The following SCN2A variants were observed in gnomAD, a reference collection of about 807,000 sequenced individuals.
SCN2A encodes the protein sodium voltage-gated channel alpha subunit 2.
A neutral mutation model predicts 188.7 loss-of-function variants in SCN2A; 20 were observed. That is an observed-to-expected ratio of 0.11 (90% CI 0.07 to 0.15). SCN2A has a LOEUF of 0.15. SCN2A is among the 10% of genes least tolerant of loss of function. The pLI, the probability that SCN2A is intolerant of heterozygous loss-of-function variation, is 1.00. For missense variants in SCN2A, 1,278 were observed against 2,445.0 expected (o/e 0.52, Z 10.07); for synonymous variants, 804 against 833.1 (o/e 0.97, Z 0.60).
intron 16 of SCN2A, among the ~76,000 whole-genome samples, chr2:165,348,760 T>A (rs1699737415): frequency 1.3e-5 from 2 of 152,170 alleles, no homozygotes; most frequent in Non-Finnish European, 2.9e-5. Context: ...GAAGGCTCAA[T>A]CTCATGATTA....
chr2:165,299,391 A>C (rs1418804169), intron 3 of SCN2A, among the ~76,000 whole-genome samples: 1 of 152,232 alleles, frequency 6.6e-6, no homozygotes, highest in Non-Finnish European at 1.5e-5. Context: ...AAATCTATTA[A>C]GGTATGCCAA....
intron 1 of SCN2A, among the ~76,000 whole-genome samples, chr2:165,278,446 T>A (rs1450698291): frequency 6.6e-6 from 1 of 152,158 alleles, no homozygotes; most frequent in African/African-American, 2.4e-5. Context: ...GAGAGCCCCT[T>A]ATAAAATCAT....
intron 1 of SCN2A, among the ~76,000 whole-genome samples, chr2:165,276,198 A>G (rs766417837): frequency 6.6e-6 from 1 of 152,134 alleles, no homozygotes; most frequent in Non-Finnish European, 1.5e-5. Flanking sequence ...AAATAGTAAT[A>G]AGAGTTCTTC....
chr2:165,348,987 A>C (rs1399160911), intron 16 of SCN2A, among the ~76,000 whole-genome samples: 2 of 152,246 alleles, frequency 1.3e-5, no homozygotes, highest in Non-Finnish European at 2.9e-5. Context: ...ATTCATTAGA[A>C]GCTAGTCACT....
intron 7 of SCN2A, 75 bp downstream of exon 7, chr2:165,310,670 T>G: frequency 9.3e-7 from 1 of 1,071,962 alleles, no homozygotes; most frequent in East Asian, 2.7e-5. Flanking sequence ...GGAAATTATC[T>G]CAATTTAGAT....
chr2:165,290,960 C>G (rs1402682095), intron 1 of SCN2A, among the ~76,000 whole-genome samples: 1 of 151,900 alleles, frequency 6.6e-6, no homozygotes, highest in African/African-American at 2.4e-5. Context: ...ATTAATTTCC[C>G]CCTTATTCCA....
In SCN2A at chr2:165,390,120, G is replaced by A. The variant is rs1248953639; in HGVS notation, c.*296G>A. 1 of 318,444 alleles carries A rather than the reference G, an allele frequency of 3.1e-6. No homozygotes were observed. The highest frequency in any genetic ancestry group is 5.8e-6 in the Non-Finnish European group (1 of 172,502). 19.7% of individuals were successfully genotyped at this position (318,444 alleles called of 1,614,324 possible). On this transcript the variant is annotated 3_prime_UTR_variant, in exon 27 of 27. Coordinates refer to ENST00000375437, the MANE Select transcript of SCN2A (RefSeq NM_001040142.2). ...TAGGAACCAATTTAAAGGGGGGAGG[G>A]AAGTTAAATTTTTATGTAAATTCAA...
At chr2:165,385,159 C>G (rs1701803730) in intron 25 of SCN2A, among the ~76,000 whole-genome samples, 1 of 152,022 alleles carries the variant, frequency 6.6e-6, no homozygotes, top group South Asian at 2.1e-4. Context: ...GTAATAGAAG[C>G]CTCCCAATAG....
intron 5 of SCN2A, chr2:165,309,079 C>A: frequency 7.1e-7 from 1 of 1,408,554 alleles, no homozygotes; most frequent in African/African-American, 1.4e-5. Flanking sequence ...GATGGCGACA[C>A]TCATGAAATT....
intron 16 of SCN2A, among the ~76,000 whole-genome samples, chr2:165,352,602 A>T (rs1290427311): frequency 6.6e-6 from 1 of 152,202 alleles, no homozygotes; most frequent in East Asian, 1.9e-4. Context: ...AAAGCTTTTG[A>T]GCACCAACCT....
At chr2:165,300,563 G>A (rs1481733248) in intron 3 of SCN2A, among the ~76,000 whole-genome samples, 1 of 152,186 alleles carries the variant, frequency 6.6e-6, no homozygotes, top group Non-Finnish European at 1.5e-5. Context: ...GCAAAAGAGT[G>A]AGATATGGGA....
chr2:165,245,574 G>A (rs555234916), intron 1 of SCN2A: 1 of 152,330 alleles, frequency 6.6e-6, no homozygotes, highest in Non-Finnish European at 1.5e-5. Context: ...CCCAGCAATT[G>A]TCAGGCAGCT....
intron 1 of SCN2A, among the ~76,000 whole-genome samples, chr2:165,281,972 A>G (rs1242023698): frequency 6.6e-6 from 1 of 152,034 alleles, no homozygotes; most frequent in East Asian, 1.9e-4. Flanking sequence ...CACTACCTGC[A>G]CCCCTGCTCC....
chr2:165,254,410 C>T (rs767247474), intron 1 of SCN2A, among the ~76,000 whole-genome samples: 5 of 151,614 alleles, frequency 3.3e-5, no homozygotes, highest in Admixed American at 2.6e-4. Flanking sequence ...GGTGTTCTTT[C>T]GGAAAAGTTT....
In SCN2A at chr2:165,323,286, T is replaced by C; in HGVS notation, c.1802T>C (p.Phe601Ser). Residue 601 changes from phenylalanine to serine, a missense_variant, in exon 12 of 27, where the codon TTT becomes TCT. Around this residue, in one of 17 missense-constraint regions of SCN2A, gnomAD observed 315 missense variants for 386.6 expected, o/e 0.81. Coordinates refer to ENST00000375437, the MANE Select transcript of SCN2A (RefSeq NM_001040142.2). The part of the protein sequence containing the change: ...NDFADDEHST[F>S]EDNDSRRDSL... ...TTTGCTGATGATGAGCACAGCACCT[T>C]TGAGGACAATGACAGCCGAAGAGAC... The C allele has an allele frequency of 6.2e-7, 1 of 1,614,112 alleles. No homozygotes were observed. Among genetic ancestry groups the C allele is most frequent in the Non-Finnish European group, 8.5e-7 (1 of 1,180,020 alleles).
intron 1 of SCN2A, among the ~76,000 whole-genome samples, chr2:165,260,724 T>C (rs1486069905): frequency 1.3e-5 from 2 of 151,978 alleles, no homozygotes; most frequent in African/African-American, 4.8e-5. Context: ...CTCAGCACTT[T>C]GGGAGGCTGA....
chr2:165,354,566 C>A lies in SCN2A; in HGVS notation c.3294C>A (p.Asn1098Lys). ...GTGATTACATGTCATTTATAAACAA[C>A]CCTAGCCTCACTGTGACAGTACCAA... ...DESDYMSFIN[N>K]PSLTVTVPIA... Residue 1098 changes from asparagine to lysine, a missense_variant, in exon 17 of 27, where the codon AAC (asparagine) becomes AAA (lysine). Physicochemically the swap from Asn to Lys is moderately conservative, Grantham distance 94 (BLOSUM62 0). Coordinates refer to ENST00000375437, the MANE Select transcript of SCN2A (RefSeq NM_001040142.2). 6.2e-7 allele frequency: 1 copy of A among 1,614,038 alleles called. No homozygotes were observed. Among genetic ancestry groups the A allele is most frequent in the Non-Finnish European group, 8.5e-7 (1 of 1,179,994 alleles).
At position 165,265,493 on chromosome 2, in the gene SCN2A, A is replaced by C. The variant is rs1313263556; in HGVS notation, c.-52+25853A>C. On this transcript the variant is annotated intron_variant, in intron 1 of 26. Coordinates refer to ENST00000375437, the MANE Select transcript of SCN2A (RefSeq NM_001040142.2). Reference sequence around the variant, plus strand: ...GATCTATATATATATATATATATATATATATATATATATATATATATATTG... The same window carrying C: ...GATCTATATATATATATATATATATCTATATATATATATATATATATATTG... Among the ~76,000 whole-genome samples the C allele has an allele frequency of 2.5e-5, 3 of 120,320 alleles. No individual in the cohort carries two copies. In the East Asian group the frequency reaches 8.2e-4, roughly 33 times the overall value. 78.9% of individuals were successfully genotyped at this position (120,320 alleles called of 152,430 possible).
intron 11 of SCN2A, among the ~76,000 whole-genome samples, chr2:165,317,050 A>G (rs995153384): frequency 6.6e-6 from 1 of 152,158 alleles, no homozygotes; most frequent in East Asian, 1.9e-4. Flanking sequence ...CAATGGCATT[A>G]TACTTTCTCT....
Sources: allele counts gnomAD v4.1 joint callset (sites outside exome capture counted in the v4.1 genomes callset), GRCh38; gene constraint gnomAD v4.1.1; regional missense constraint gnomAD v4.1.1; transcripts MANE v1.5; gene names NCBI Gene and HGNC (gene_info 2026-07-23, HGNC 2026-07-21).